The following ZNF385B variants were observed in gnomAD, a reference collection of about 807,000 sequenced individuals.
ZNF385B encodes zinc finger protein 533.
In ZNF385B, 23 loss-of-function variants were observed where a neutral mutation model predicts 39.2. The observed-to-expected ratio is 0.59, with a 90% CI of 0.42 to 0.83. The LOEUF is 0.83. ZNF385B is among the 40% of genes least tolerant of loss of function. The probability of loss-of-function intolerance (pLI) is 0.00; values close to 1 mark genes in which losing one functional copy is unlikely to be tolerated. For synonymous variants in ZNF385B, 205 were observed against 222.6 expected, an observed-to-expected ratio of 0.92 and a Z score of 0.70; for missense variants, 552 against 598.9, an observed-to-expected ratio of 0.92 and a Z score of 0.82.
At chr2:179,857,924 G>C (rs1302817349) in intron 1 of ZNF385B, among the ~76,000 whole-genome samples, 1 of 152,052 alleles carries the variant, frequency 6.6e-6, no homozygotes, top group Non-Finnish European at 1.5e-5. Flanking sequence ...TTTGAGGCTG[G>C]ACTGCAGAGG....
chr2:179,538,648 G>A (rs978109211), intron 4 of ZNF385B, among the ~76,000 whole-genome samples: 6 of 152,164 alleles, frequency 3.9e-5, no homozygotes, highest in Non-Finnish European at 7.3e-5. Context: ...GAATCATACA[G>A]TGGTTTGGAA....
chr2:179,669,069 AG>A (rs1487044264), intron 3 of ZNF385B, among the ~76,000 whole-genome samples: 46 of 152,372 alleles, frequency 3.0e-4, no homozygotes, highest in African/African-American at 1.1e-3. Flanking sequence ...ATTTATATTT[AG>A]TTGTACTACT....
chr2:179,526,921 G>C (rs1345745613), intron 4 of ZNF385B, among the ~76,000 whole-genome samples: 1 of 152,132 alleles, frequency 6.6e-6, no homozygotes, highest in African/African-American at 2.4e-5. Context: ...AACATTAACT[G>C]GTCCCCTCTT....
At chr2:179,629,133 A>C (rs995354229) in intron 3 of ZNF385B, among the ~76,000 whole-genome samples, 1 of 152,138 alleles carries the variant, frequency 6.6e-6, no homozygotes, top group Non-Finnish European at 1.5e-5. Flanking sequence ...TTCCAGACCC[A>C]GTCCTAGAAA....
intron 3 of ZNF385B, among the ~76,000 whole-genome samples, chr2:179,561,201 G>A (rs143869824): frequency 7.0e-4 from 106 of 152,004 alleles, no homozygotes; most frequent in Middle Eastern, 3.4e-3. Flanking sequence ...ATCATCCCCT[G>A]TTTTTCTGAT....
chr2:179,650,617 T>A (rs911211767), intron 3 of ZNF385B, among the ~76,000 whole-genome samples: 1 of 152,202 alleles, frequency 6.6e-6, no homozygotes, highest in African/African-American at 2.4e-5. Context: ...AGCTGTCATG[T>A]GGAGAGTGGC....
intron 3 of ZNF385B, among the ~76,000 whole-genome samples, chr2:179,693,688 T>G (rs994408695): frequency 1.2e-4 from 18 of 152,210 alleles, no homozygotes; most frequent in African/African-American, 4.3e-4. Context: ...TCAAAATACT[T>G]TTTATGAAAT....
chr2:179,800,823 C>A (rs901209855), intron 1 of ZNF385B, among the ~76,000 whole-genome samples: 3 of 152,030 alleles, frequency 2.0e-5, no homozygotes, highest in Admixed American at 6.6e-5. Context: ...TTTGCTGAAG[C>A]CTTTTAAAGC....
intron 4 of ZNF385B, among the ~76,000 whole-genome samples, chr2:179,543,180 A>C (rs1204994887): frequency 6.6e-6 from 1 of 152,074 alleles, no homozygotes. Flanking sequence ...GCTGAGACAC[A>C]AGAATCACTT....
intron 1 of ZNF385B, among the ~76,000 whole-genome samples, chr2:179,830,353 A>T (rs1707916720): frequency 6.6e-6 from 1 of 152,222 alleles, no homozygotes; most frequent in African/African-American, 2.4e-5. Context: ...TTACCATGGG[A>T]TCCATCAATT....
chr2:179,461,106 G>C (rs985928779), intron 6 of ZNF385B, among the ~76,000 whole-genome samples: 1 of 152,160 alleles, frequency 6.6e-6, no homozygotes, highest in African/African-American at 2.4e-5. Context: ...AACAAACAAG[G>C]ACAAGAAAGT....
At chr2:179,746,765 A>T (rs1467728728) in intron 3 of ZNF385B, among the ~76,000 whole-genome samples, 1 of 152,120 alleles carries the variant, frequency 6.6e-6, no homozygotes, top group Non-Finnish European at 1.5e-5. Flanking sequence ...TGCAAGAGCT[A>T]CTGGACATCG....
At chr2:179,558,579 G>T (rs1286239861) in intron 3 of ZNF385B, among the ~76,000 whole-genome samples, 1 of 152,132 alleles carries the variant, frequency 6.6e-6, no homozygotes, top group East Asian at 1.9e-4. Flanking sequence ...AAAAGTAGGT[G>T]CCCATGTTAA....
intron 1 of ZNF385B, among the ~76,000 whole-genome samples, chr2:179,808,321 C>G (rs550040490): frequency 6.6e-6 from 1 of 152,274 alleles, no homozygotes; most frequent in South Asian, 2.1e-4. Context: ...CGTGAGCCAC[C>G]GCACCCGGCC....
At chr2:179,510,945 T>C (rs1401735427) in intron 5 of ZNF385B, among the ~76,000 whole-genome samples, 1 of 152,212 alleles carries the variant, frequency 6.6e-6, no homozygotes, top group Non-Finnish European at 1.5e-5. Flanking sequence ...TAGGAGAATG[T>C]TACATAATGA....
intron 3 of ZNF385B, among the ~76,000 whole-genome samples, chr2:179,664,060 ATT>A (rs199631025): frequency 2.1e-4 from 22 of 104,914 alleles, no homozygotes; most frequent in African/African-American, 5.8e-4. Flanking sequence ...AGTAAAAAAT[ATT>A]TTTTTTTTTT....
At chr2:179,768,279 C>G (rs926942780) in intron 3 of ZNF385B, among the ~76,000 whole-genome samples, 1 of 151,906 alleles carries the variant, frequency 6.6e-6, no homozygotes, top group Admixed American at 6.6e-5. Flanking sequence ...TAATATATAA[C>G]TATAGGTAAA....
intron 6 of ZNF385B, among the ~76,000 whole-genome samples, chr2:179,454,966 T>C (rs1483740816): frequency 6.6e-6 from 1 of 152,182 alleles, no homozygotes; most frequent in Non-Finnish European, 1.5e-5. Flanking sequence ...TAGTGTAGCC[T>C]GAGCATATAG....
chr2:179,697,518 A>C (rs1432970492), intron 3 of ZNF385B, among the ~76,000 whole-genome samples: 1 of 152,166 alleles, frequency 6.6e-6, no homozygotes, highest in Non-Finnish European at 1.5e-5. Context: ...GAGTCAGTTA[A>C]ACCTTTTTCC....
Sources: gnomAD v4.1 joint callset for allele counts (sites outside exome capture counted in the v4.1 genomes callset) on GRCh38, gnomAD v4.1.1 for gene constraint, MANE v1.5 for transcripts, NCBI Gene and HGNC (gene_info 2026-07-23, HGNC 2026-07-21) for gene names.